Variants in TEKT5 observed in about 807,000 individuals in gnomAD.
TEKT5 encodes the protein tektin-5.
TEKT5 carries 52 observed loss-of-function variants against 48.7 expected under a neutral mutation model. The observed-to-expected ratio is 1.07, with a 90% CI of 0.86 to 1.35. TEKT5 has a LOEUF of 1.35. Among genes scored for constraint, TEKT5 ranks in the 40% most tolerant of loss-of-function variants. TEKT5 has a pLI of 0.00. For synonymous variants in TEKT5, 318 were observed against 267.6 expected (o/e 1.19, Z -1.84); for missense variants, 831 against 641.6 (o/e 1.30, Z -3.19).
intron 4 of TEKT5, among the ~76,000 whole-genome samples, chr16:10,680,216 C>T (rs992919688): frequency 7.9e-5 from 12 of 152,228 alleles, no homozygotes; most frequent in Admixed American, 7.8e-4. Context: ...GAAGGAAAGT[C>T]CCCAGGAGTT....
At position 10,668,237 on chromosome 16, in the gene TEKT5, TG is replaced by T. The variant is rs1371936564; in HGVS notation, c.1086+7721del. On this transcript the variant is annotated intron_variant, in intron 5 of 6. Coordinates refer to ENST00000283025, the MANE Select transcript of TEKT5 (RefSeq NM_144674.2). ...TATTGCTTTCCAAAGCTTCTAAGCCTGAGGCCTGATGCCTTTGTTAGAAAGG... is the reference window on the plus strand; with the variant it reads ...TATTGCTTTCCAAAGCTTCTAAGCCTAGGCCTGATGCCTTTGTTAGAAAGG... 1.1e-4 allele frequency among the ~76,000 whole-genome samples: 16 copies of T among 152,328 alleles called. No individual in the cohort carries two copies. The East Asian group carries it at 3.1e-3, about 29-fold the overall frequency.
intron 3 of TEKT5, among the ~76,000 whole-genome samples, chr16:10,687,606 A>T (rs1202839840): frequency 3.9e-5 from 6 of 152,116 alleles, no homozygotes; most frequent in Admixed American, 2.6e-4. Context: ...TACATAAAAT[A>T]GCTGAGTGTG....
At chr16:10,663,101 T>C (rs1898402500) in intron 5 of TEKT5, among the ~76,000 whole-genome samples, 1 of 152,096 alleles carries the variant, frequency 6.6e-6, no homozygotes, top group Admixed American at 6.5e-5. Context: ...GCACTGGGAA[T>C]GGTCTCTGGC....
intron 6 of TEKT5, among the ~76,000 whole-genome samples, chr16:10,632,804 C>G (rs1596399189): frequency 6.6e-6 from 1 of 151,438 alleles, no homozygotes; most frequent in East Asian, 2.0e-4. Context: ...AGCCTGAATC[C>G]TATCATCTGC....
At chr16:10,657,790 C>T (rs1422958914) in intron 5 of TEKT5, among the ~76,000 whole-genome samples, 1 of 148,094 alleles carries the variant, frequency 6.8e-6, no homozygotes, top group Non-Finnish European at 1.5e-5. Context: ...TTAGTAGAGA[C>T]AGGGTTTTAC....
chr16:10,691,864 C>T (rs1324001825), intron 1 of TEKT5, among the ~76,000 whole-genome samples: 2 of 149,058 alleles, frequency 1.3e-5, no homozygotes, highest in Admixed American at 6.9e-5. Flanking sequence ...AGGAGAATGG[C>T]GTGGACCCGG....
At chr16:10,688,214 A>G (rs1450698471) in intron 3 of TEKT5, among the ~76,000 whole-genome samples, 1 of 152,220 alleles carries the variant, frequency 6.6e-6, no homozygotes, top group Non-Finnish European at 1.5e-5. Context: ...CTATATTTGC[A>G]TCTTCTCTGT....
chr16:10,640,086 C>T (rs943411100), intron 5 of TEKT5, among the ~76,000 whole-genome samples: 1 of 149,922 alleles, frequency 6.7e-6, no homozygotes, highest in Non-Finnish European at 1.5e-5. Context: ...TCTTCTCCTT[C>T]CTTCCTTCCC....
intron 5 of TEKT5, among the ~76,000 whole-genome samples, chr16:10,641,618 G>T (rs1334676463): frequency 6.6e-6 from 1 of 152,138 alleles, no homozygotes; most frequent in Non-Finnish European, 1.5e-5. Flanking sequence ...CCAGGAGTTT[G>T]AGACCAGACT....
At chr16:10,682,352 G>C (rs1898772065) in intron 3 of TEKT5, among the ~76,000 whole-genome samples, 1 of 151,730 alleles carries the variant, frequency 6.6e-6, no homozygotes, top group South Asian at 2.1e-4. Context: ...TTTCCAGACA[G>C]AGTCTCACTC....
intron 5 of TEKT5, among the ~76,000 whole-genome samples, chr16:10,653,006 C>G (rs1898196266): frequency 6.6e-6 from 1 of 152,220 alleles, no homozygotes; most frequent in Non-Finnish European, 1.5e-5. Context: ...TGGCATCTCT[C>G]TGCCCATCCC....
intron 5 of TEKT5, among the ~76,000 whole-genome samples, chr16:10,663,563 G>A (rs985111870): frequency 6.6e-6 from 1 of 152,172 alleles, no homozygotes; most frequent in Non-Finnish European, 1.5e-5. Flanking sequence ...CAAGGAGAGA[G>A]AGAAAGAGGA....
chr16:10,688,809 T>A (rs1898911446), intron 3 of TEKT5, among the ~76,000 whole-genome samples: 1 of 152,182 alleles, frequency 6.6e-6, no homozygotes, highest in African/African-American at 2.4e-5. Context: ...CCAGCTCCCT[T>A]GTGGAGGTGC....
chr16:10,634,962 G>A (rs567363645), intron 6 of TEKT5, among the ~76,000 whole-genome samples: 7 of 152,106 alleles, frequency 4.6e-5, no homozygotes, highest in African/African-American at 7.2e-5. Flanking sequence ...CCTAACCCAC[G>A]GAAACTGAGA....
intron 6 of TEKT5, among the ~76,000 whole-genome samples, chr16:10,633,148 G>T (rs189584325): frequency 3.3e-4 from 50 of 152,310 alleles, no homozygotes; most frequent in African/African-American, 1.2e-3. Flanking sequence ...ATCACTTGAG[G>T]TTAGGAGTTT....
At chr16:10,676,282 T>A in intron 4 of TEKT5, 101 bp from the exon 5 acceptor site, 1 of 1,137,122 alleles carries the variant, frequency 8.8e-7, no homozygotes, top group Non-Finnish European at 1.3e-6. Context: ...GATTATTCTC[T>A]GTCCTGTGCA....
chr16:10,693,428 A>C (rs1899016396), intron 1 of TEKT5, among the ~76,000 whole-genome samples: 1 of 152,212 alleles, frequency 6.6e-6, no homozygotes, highest in African/African-American at 2.4e-5. Context: ...TTCAGCATGT[A>C]TTTATTGAAT....
In TEKT5 at chr16:10,675,308, G is replaced by A. The variant is rs139894573; in HGVS notation, c.1086+651C>T. Among the ~76,000 whole-genome samples the A allele has an allele frequency of 4.4e-3, 675 of 152,214 alleles. 18 individuals are homozygous for A. Among genetic ancestry groups the A allele is most frequent in the East Asian group, 0.036 (184 of 5,182 alleles). ...CCTCATTTTATTCCTAGTGCCTAGC[G>A]CAGCATCTGGCACCCAGTGGGAATC... On this transcript the variant is annotated intron_variant, in intron 5 of 6. Coordinates refer to ENST00000283025, the MANE Select transcript of TEKT5 (RefSeq NM_144674.2).
intron 5 of TEKT5, among the ~76,000 whole-genome samples, chr16:10,655,863 T>C (rs1596407530): frequency 6.6e-6 from 1 of 152,196 alleles, no homozygotes. Context: ...CATGAAGCCA[T>C]CTTGCAACCC....
Sources: gnomAD v4.1 joint callset for allele counts (sites outside exome capture counted in the v4.1 genomes callset) on GRCh38, gnomAD v4.1.1 for gene constraint, MANE v1.5 for transcripts, NCBI Gene and HGNC (gene_info 2026-07-23, HGNC 2026-07-21) for gene names.